The following LMO2 variants were observed in gnomAD, a reference collection of about 807,000 sequenced individuals.
The protein encoded by LMO2 is LIM domain only 2.
In LMO2, 20 loss-of-function variants were observed where a neutral mutation model predicts 23.2. The observed-to-expected ratio is 0.86, with a 90% CI of 0.61 to 1.25. LMO2 has a LOEUF of 1.25. Among genes scored for constraint, LMO2 ranks in the 50% most tolerant of loss-of-function variants. The pLI, the probability that LMO2 is intolerant of heterozygous loss-of-function variation, is 0.00. For synonymous variants in LMO2, 123 were observed against 130.2 expected (o/e 0.94, Z 0.38); for missense variants, 270 against 315.3 (o/e 0.86, Z 1.09).
At chr11:33,890,772 C>A (rs1215369289) in intron 1 of LMO2, among the ~76,000 whole-genome samples, 1 of 152,162 alleles carries the variant, frequency 6.6e-6, no homozygotes, top group Non-Finnish European at 1.5e-5. Context: ...ACTATCCAAG[C>A]ACTTCCATGA....
chr11:33,873,824 A>G (rs978282532), intron 2 of LMO2, among the ~76,000 whole-genome samples: 11 of 152,200 alleles, frequency 7.2e-5, no homozygotes, highest in African/African-American at 2.2e-4. Context: ...GGCATTTTCT[A>G]TCCTTTTTGC....
intron 1 of LMO2, among the ~76,000 whole-genome samples, chr11:33,889,838 A>G (rs1008323640): frequency 6.6e-6 from 1 of 152,220 alleles, no homozygotes; most frequent in Non-Finnish European, 1.5e-5. Context: ...AGATACCTGC[A>G]CTTGTATGTT....
chr11:33,891,386 CACAT>C (rs1355854242), intron 1 of LMO2, among the ~76,000 whole-genome samples: 2,467 of 49,906 alleles, frequency 0.049, 52 homozygotes, highest in African/African-American at 0.099. Flanking sequence ...CACACACACA[CACAT>C]GCACACACAC....
intron 2 of LMO2, 83 bp from the exon 3 acceptor site, chr11:33,870,070 CT>C (rs10608793): frequency 0.073 from 17,353 of 237,838 alleles, 116 homozygotes; most frequent in Non-Finnish European, 0.083. Flanking sequence ...TTTTTTCTTC[CT>C]TTTTTTTTTT....
chr11:33,890,231 G>A (rs890713228), intron 1 of LMO2, among the ~76,000 whole-genome samples: 8 of 152,122 alleles, frequency 5.3e-5, no homozygotes, highest in Non-Finnish European at 1.2e-4. Flanking sequence ...TCAATCTGGT[G>A]ATAGATACCA....
chr11:33,887,919 A>G (rs1372185488), intron 1 of LMO2, among the ~76,000 whole-genome samples: 1 of 151,264 alleles, frequency 6.6e-6, no homozygotes, highest in Non-Finnish European at 1.5e-5. Context: ...AGACTCTTGA[A>G]CAGGGGAAGG....
rs1411016733 is a variant in LMO2 at position 33,869,859 on chromosome 11, G to C, written c.-143C>G. ...GGGTCGCGGCGCGCTGCTCGCCGCC[G>C]AGGGCAGAGAGGGGGCGGCGGCCTA... On this transcript the variant is annotated 5_prime_UTR_variant, in exon 3 of 6. Coordinates refer to ENST00000257818, the MANE Select transcript of LMO2 (RefSeq NM_005574.4). 4 of 1,055,676 alleles carry C rather than the reference G, an allele frequency of 3.8e-6. No homozygotes were observed. The highest frequency in any genetic ancestry group is 3.4e-6 in the Non-Finnish European group (3 of 875,974). The allele number at this position is 1,055,676 out of a possible 1,614,324, so 65.4% of individuals were successfully genotyped here.
rs1230593332 is a variant in LMO2 at position 33,892,068 on chromosome 11, C to T, written c.-609G>A. The T allele has an allele frequency of 6.6e-6, 1 of 152,348 alleles. No homozygotes were observed. Among genetic ancestry groups the T allele is most frequent in the Non-Finnish European group, 1.5e-5 (1 of 68,168 alleles). The allele number at this position is 152,348 out of a possible 1,614,324, so 9.4% of individuals were successfully genotyped here. A position where few individuals can be genotyped will look rare whatever the true frequency, so the allele number is the denominator to read the frequency against. ...GCTGTTCTTTGAGGATGTTGCAAAT[C>T]CAGGGTTTGGAGGGCTGGGCCTCTT... On this transcript the variant is annotated 5_prime_UTR_variant, in exon 1 of 6. Transcript: ENST00000257818.
At position 33,868,575 on chromosome 11, in the gene LMO2, A is replaced by G. The variant is rs113302701; in HGVS notation, c.248+771T>C. On this transcript the variant is annotated intron_variant, in intron 4 of 5. Coordinates refer to ENST00000257818, the MANE Select transcript of LMO2 (RefSeq NM_005574.4). ...CATTCCAAACCAGTACGCGGCTCAG[A>G]AAACAGATGCGGCCAATGCTCATTA... 4.5e-3 allele frequency among the ~76,000 whole-genome samples: 692 copies of G among 152,340 alleles called. 2 individuals carry two copies. Among genetic ancestry groups the G allele is most frequent in the Middle Eastern group, 0.02 (6 of 294 alleles).
chr11:33,881,220 G>A (rs766524099), intron 2 of LMO2: 23 of 457,166 alleles, frequency 5.0e-5, no homozygotes, highest in East Asian at 2.1e-4. Context: ...CTCCTCTCAC[G>A]CTTTCAAGCT....
At chr11:33,874,881 G>A (rs1857099669) in intron 2 of LMO2, among the ~76,000 whole-genome samples, 1 of 152,200 alleles carries the variant, frequency 6.6e-6, no homozygotes, top group Non-Finnish European at 1.5e-5. Context: ...ATTTAAAAAA[G>A]AAGCCAAACA....
At position 33,869,849 on chromosome 11, in the gene LMO2, G is replaced by A. The variant is rs2133699664; in HGVS notation, c.-133C>T. The A allele has an allele frequency of 2.8e-6, 3 of 1,059,724 alleles. No individual in the cohort carries two copies. The highest frequency in any genetic ancestry group is 3.4e-6 in the Non-Finnish European group (3 of 878,872). 65.6% of individuals were successfully genotyped at this position (1,059,724 alleles called of 1,614,324 possible). On this transcript the variant is annotated 5_prime_UTR_variant, in exon 3 of 6. Coordinates refer to ENST00000257818, the MANE Select transcript of LMO2 (RefSeq NM_005574.4). ...CCTTCGGCCCGGGTCGCGGCGCGCTGCTCGCCGCCGAGGGCAGAGAGGGGG... is the reference window on the plus strand; with the variant it reads ...CCTTCGGCCCGGGTCGCGGCGCGCTACTCGCCGCCGAGGGCAGAGAGGGGG...
chr11:33,879,959 CA>C (rs1189224270), intron 2 of LMO2, among the ~76,000 whole-genome samples: 1 of 151,956 alleles, frequency 6.6e-6, no homozygotes, highest in Non-Finnish European at 1.5e-5. Flanking sequence ...AAATTAAAAA[CA>C]GAATTACCAT....
intron 4 of LMO2, among the ~76,000 whole-genome samples, chr11:33,866,397 G>C (rs1221914988): frequency 6.6e-6 from 1 of 152,180 alleles, no homozygotes; most frequent in African/African-American, 2.4e-5. Context: ...CACTTTGGGA[G>C]GCCAAGGCAG....
At chr11:33,860,728 C>G (rs149196175) in intron 5 of LMO2, among the ~76,000 whole-genome samples, 1,813 of 152,184 alleles carry the variant, frequency 0.012, 33 homozygotes, top group African/African-American at 0.042. Context: ...CGAGATCATG[C>G]CACTGCACTC....
intron 2 of LMO2, chr11:33,881,109 G>A (rs1311553340): frequency 2.2e-6 from 1 of 453,118 alleles, no homozygotes; most frequent in African/African-American, 2.0e-5. Context: ...TGGGATGGTG[G>A]TGGTGGAAAA....
At chr11:33,875,411 C>T (rs1362422498) in intron 2 of LMO2, among the ~76,000 whole-genome samples, 1 of 151,970 alleles carries the variant, frequency 6.6e-6, no homozygotes, top group Non-Finnish European at 1.5e-5. Context: ...AACCCTATCT[C>T]TACTAAAAAT....
In LMO2 at chr11:33,864,580, A is replaced by C. The variant is rs575648785; in HGVS notation, c.464+22T>G. 8 of 1,600,382 alleles carry C rather than the reference A, an allele frequency of 5.0e-6. No individual in the cohort carries two copies. The highest frequency in any genetic ancestry group is 6.8e-6 in the Non-Finnish European group (8 of 1,171,136). ...CACCCAGCCTCCCTTCCGAGGGCCC[A>C]GTGGAGTGCCGGGGAGGGTACCTGA... On this transcript the variant is annotated intron_variant, in intron 5 of 5. Transcript: ENST00000257818. The surrounding 1 kb of genome is among the most constrained non-coding windows in gnomAD (Gnocchi z 4.8).
intron 1 of LMO2, among the ~76,000 whole-genome samples, chr11:33,891,215 C>T (rs942538138): frequency 1.3e-5 from 2 of 152,190 alleles, no homozygotes; most frequent in African/African-American, 4.8e-5. Context: ...GTTATAACCT[C>T]CTTGGGAGCC....
Sources: gnomAD v4.1 joint callset for allele counts (sites outside exome capture counted in the v4.1 genomes callset) on GRCh38, gnomAD v4.1.1 for gene constraint, Gnocchi (gnomAD v3.1) non-coding constraint, MANE v1.5 for transcripts, NCBI Gene and HGNC (gene_info 2026-07-23, HGNC 2026-07-21) for gene names.